The following SLC25A16 variants were observed in gnomAD, a reference collection of about 807,000 sequenced individuals.
SLC25A16 encodes the protein solute carrier family 25 member 16, also known as mitochondrial coenzyme A transporter SLC25A16.
SLC25A16 carries 39 observed loss-of-function variants against 41.5 expected under a neutral mutation model. That is an observed-to-expected ratio of 0.94 (90% confidence interval 0.73 to 1.23). The LOEUF (loss-of-function observed/expected upper bound fraction) is 1.23. Among genes scored for constraint, SLC25A16 ranks in the 50% most tolerant of loss-of-function variants. The pLI is 0.00. For missense variants in SLC25A16, 421 were observed against 426.9 expected, an observed-to-expected ratio of 0.99 and a Z score of 0.12; for synonymous variants, 146 against 147.8, an observed-to-expected ratio of 0.99 and a Z score of 0.09.
At chr10:68,498,134 C>T (rs1036924324) in intron 4 of SLC25A16, among the ~76,000 whole-genome samples, 3 of 151,998 alleles carry the variant, frequency 2.0e-5, no homozygotes, top group African/African-American at 7.2e-5. Flanking sequence ...AGCATCATGC[C>T]GCTCCCCCAC....
At chr10:68,516,975 A>C in intron 1 of SLC25A16, 132 bp from the exon 2 acceptor site, 1 of 953,554 alleles carries the variant, frequency 1.0e-6, no homozygotes, top group Non-Finnish European at 1.5e-6. Flanking sequence ...CACAGCGTAT[A>C]GATATGCAGA....
rs1295289699 is a variant in SLC25A16 at position 68,483,162 on chromosome 10, T to C, written c.*270A>G. ...CTCTTGAACCCCGTTTTAAAGCTAGTTCTACTTCCAAATAAAACTTTAAAG... is the reference window on the plus strand; with the variant it reads ...CTCTTGAACCCCGTTTTAAAGCTAGCTCTACTTCCAAATAAAACTTTAAAG... On this transcript the variant is annotated 3_prime_UTR_variant, in exon 9 of 9. Transcript: ENST00000609923. 4.0e-6 allele frequency: 1 copy of C among 252,490 alleles called. No individual in the cohort carries two copies. The highest frequency in any genetic ancestry group is 1.4e-4 in the South Asian group (1 of 7,048). The allele number at this position is 252,490 out of a possible 1,614,324, so 15.6% of individuals were successfully genotyped here.
Position 68,483,437 on chromosome 10 carries a change from T to C in SLC25A16, c.994A>G (p.Asn332Asp). The C allele has an allele frequency of 6.3e-7, 1 of 1,578,308 alleles. No individual in the cohort carries two copies. Among genetic ancestry groups the C allele is most frequent in the Non-Finnish European group, 8.6e-7 (1 of 1,165,298 alleles). The change falls in exon 9 of 9, where the codon AAC becomes GAC. Residue 332 changes from asparagine (N) to aspartate (D), a missense_variant. By Grantham distance (23) the Asn-to-Asp change is conservative. Transcript: ENST00000609923. ...YELMKQFFHL[N>D] is the part of the protein sequence containing the mutation. ...AAACCAACCATAATTTTTTTTTAGT[T>C]GAGGTGAAAAAACTGCTTCATAAGT... is the stretch of plus-strand genomic sequence containing the variant.
chr10:68,494,796 G>C (rs1443311326), intron 4 of SLC25A16, among the ~76,000 whole-genome samples: 2 of 150,802 alleles, frequency 1.3e-5, no homozygotes, highest in African/African-American at 4.9e-5. Context: ...AGAATCACTT[G>C]AACCCTCAGG....
chr10:68,511,237 G>A (rs574126097), intron 2 of SLC25A16, among the ~76,000 whole-genome samples: 33 of 152,144 alleles, frequency 2.2e-4, no homozygotes, highest in Non-Finnish European at 3.8e-4. Context: ...GTGAAACTCC[G>A]TCTCAAAAAA....
At chr10:68,520,751 G>C (rs1249724975) in intron 1 of SLC25A16, among the ~76,000 whole-genome samples, 5 of 148,564 alleles carry the variant, frequency 3.4e-5, no homozygotes, top group Non-Finnish European at 7.4e-5. Context: ...GGCAGAGGTT[G>C]CAGTGATTCA....
intron 2 of SLC25A16, among the ~76,000 whole-genome samples, chr10:68,508,653 G>A (rs1199627012): frequency 6.6e-6 from 1 of 152,056 alleles, no homozygotes; most frequent in Admixed American, 6.6e-5. Context: ...GGGAGGCGGA[G>A]GTTGCAGTGA....
chr10:68,494,841 T>TGCACTCCA (rs1419108009), intron 4 of SLC25A16, among the ~76,000 whole-genome samples: 5 of 147,392 alleles, frequency 3.4e-5, no homozygotes, highest in African/African-American at 1.3e-4. Flanking sequence ...ATAGTGCCAC[T>TGCACTCCA]GCACTCCAGC....
At chr10:68,527,219 G>C (rs1590135177) in intron 1 of SLC25A16, 27 bp downstream of exon 1, 1 of 1,543,690 alleles carries the variant, frequency 6.5e-7, no homozygotes, top group Non-Finnish European at 8.7e-7. Flanking sequence ...CTCAGAGCGC[G>C]GCTGGCTCTT....
intron 2 of SLC25A16, among the ~76,000 whole-genome samples, chr10:68,509,760 T>C (rs1177083804): frequency 1.3e-5 from 2 of 148,320 alleles, no homozygotes; most frequent in Non-Finnish European, 3.0e-5. Flanking sequence ...TATAGATATA[T>C]AGATATAGAT....
chr10:68,527,196 CCTGCCCCCGCCACTCAGAGCGCGG>C (rs1284785853), intron 1 of SLC25A16, 26 bp downstream of exon 1: 2 of 1,536,298 alleles, frequency 1.3e-6, no homozygotes, highest in East Asian at 2.5e-5. Context: ...TGCCCACAGT[CCTGCCCCCGCCACTCAGAGCGCGG>C]CTGGCTCTTC....
At chr10:68,522,750 G>A (rs1170360744) in intron 1 of SLC25A16, among the ~76,000 whole-genome samples, 1 of 150,202 alleles carries the variant, frequency 6.7e-6, no homozygotes, top group East Asian at 2.0e-4. Context: ...GGGAGCTGGA[G>A]GTTGTAGTGA....
chr10:68,502,237 T>C (rs1019152195), intron 4 of SLC25A16, among the ~76,000 whole-genome samples: 2 of 151,448 alleles, frequency 1.3e-5, no homozygotes, highest in Non-Finnish European at 2.9e-5. Context: ...AAGTAAAACA[T>C]GATTAAATGT....
At chr10:68,498,272 T>C (rs1241717547) in intron 4 of SLC25A16, among the ~76,000 whole-genome samples, 1 of 152,166 alleles carries the variant, frequency 6.6e-6, no homozygotes, top group Non-Finnish European at 1.5e-5. Flanking sequence ...TTGTTGCTTT[T>C]GAATTCTGGA....
At chr10:68,523,552 A>C (rs2053283928) in intron 1 of SLC25A16, among the ~76,000 whole-genome samples, 1 of 151,960 alleles carries the variant, frequency 6.6e-6, no homozygotes, top group Admixed American at 6.6e-5. Context: ...GTCTCACAAC[A>C]ACCTCCACCA....
chr10:68,505,818 C>T (rs969626771), intron 3 of SLC25A16, among the ~76,000 whole-genome samples: 5 of 151,932 alleles, frequency 3.3e-5, no homozygotes, highest in African/African-American at 7.3e-5. Context: ...GTGGATCACG[C>T]GGTCAGGAGT....
At chr10:68,503,787 G>T in intron 3 of SLC25A16, 92 bp from the exon 4 acceptor site, 1 of 792,284 alleles carries the variant, frequency 1.3e-6, no homozygotes, top group Non-Finnish European at 2.1e-6. Flanking sequence ...AAGAGTTACA[G>T]GACTAATAAA....
At chr10:68,524,310 C>CAAAAAA (rs565308290) in intron 1 of SLC25A16, among the ~76,000 whole-genome samples, 441 of 44,020 alleles carry the variant, frequency 0.01, 2 homozygotes, top group Admixed American at 0.012. Context: ...AACTCCATCT[C>CAAAAAA]AAAAAAAAAA....
At chr10:68,515,975 G>A (rs2053155237) in intron 2 of SLC25A16, among the ~76,000 whole-genome samples, 1 of 151,938 alleles carries the variant, frequency 6.6e-6, no homozygotes, top group African/African-American at 2.4e-5. Context: ...AACCACTACT[G>A]CAAATGAAAG....
Sources: gnomAD v4.1 joint callset for allele counts (sites outside exome capture counted in the v4.1 genomes callset) on GRCh38, gnomAD v4.1.1 for gene constraint, MANE v1.5 for transcripts, NCBI Gene and HGNC (gene_info 2026-07-23, HGNC 2026-07-21) for gene names.